Variants in DLGAP1 observed in about 807,000 individuals in gnomAD.
The protein encoded by DLGAP1 is DLG associated protein 1.
A neutral mutation model predicts 90.8 loss-of-function variants in DLGAP1; 11 were observed. That is an observed-to-expected ratio of 0.12 (90% CI 0.08 to 0.20). The LOEUF is 0.20. Ranked by LOEUF, DLGAP1 falls within the 10% of genes least tolerant of loss-of-function variation. DLGAP1 has a pLI of 1.00. For missense variants in DLGAP1, 1,050 were observed against 1,333.8 expected (o/e 0.79, Z 3.31); for synonymous variants, 558 against 540.7 (o/e 1.03, Z -0.44).
At chr18:3,573,995 C>A (rs1447057624) in intron 8 of DLGAP1, among the ~76,000 whole-genome samples, 2 of 152,180 alleles carry the variant, frequency 1.3e-5, no homozygotes, top group African/African-American at 4.8e-5. Flanking sequence ...AGCCACTGAG[C>A]CTGACCTCTT....
chr18:4,114,991 G>A (rs1477361046), intron 2 of DLGAP1, among the ~76,000 whole-genome samples: 1 of 151,558 alleles, frequency 6.6e-6, no homozygotes, highest in African/African-American at 2.4e-5. Context: ...TATTTGTTTT[G>A]TCATTGTTTT....
intron 4 of DLGAP1, among the ~76,000 whole-genome samples, chr18:3,849,175 T>C (rs149641982): frequency 6.6e-6 from 1 of 152,352 alleles, no homozygotes; most frequent in East Asian, 1.9e-4. Flanking sequence ...TAGGGCATGC[T>C]TTGCTGAACA....
At chr18:3,600,665 G>T (rs538624926) in intron 7 of DLGAP1, among the ~76,000 whole-genome samples, 45 of 138,196 alleles carry the variant, frequency 3.3e-4, no homozygotes, top group African/African-American at 9.3e-4. Context: ...GATATCTATA[G>T]AGATCTATAG....
chr18:4,320,601 C>T (rs903924527), intron 1 of DLGAP1, among the ~76,000 whole-genome samples: 1 of 152,084 alleles, frequency 6.6e-6, no homozygotes, highest in Admixed American at 6.6e-5. Flanking sequence ...ATTCACTCTC[C>T]TGTAAACACA....
intron 7 of DLGAP1, among the ~76,000 whole-genome samples, chr18:3,671,579 A>G (rs28449818): frequency 0.25 from 37,770 of 152,108 alleles, 5,133 homozygotes; most frequent in African/African-American, 0.34. Flanking sequence ...CCATGCCACA[A>G]GAGGTTGATT....
At chr18:3,855,741 G>A (rs981653236) in intron 4 of DLGAP1, among the ~76,000 whole-genome samples, 2 of 152,094 alleles carry the variant, frequency 1.3e-5, no homozygotes, top group Non-Finnish European at 2.9e-5. Context: ...AGCCTGCCAA[G>A]TAGCTGGGAC....
intron 9 of DLGAP1, among the ~76,000 whole-genome samples, chr18:3,540,516 G>T (rs1599132319): frequency 7.8e-6 from 1 of 127,446 alleles, no homozygotes; most frequent in South Asian, 2.6e-4. Flanking sequence ...TCCCCCAAAA[G>T]AGGTTTACTT....
chr18:4,373,354 A>G (rs1394839788), intron 1 of DLGAP1, among the ~76,000 whole-genome samples: 1 of 152,214 alleles, frequency 6.6e-6, no homozygotes, highest in Non-Finnish European at 1.5e-5. Context: ...AGAAAGTGGA[A>G]GCTATAAACA....
intron 2 of DLGAP1, among the ~76,000 whole-genome samples, chr18:4,116,315 C>T (rs367952208): frequency 1.3e-4 from 19 of 151,996 alleles, no homozygotes; most frequent in Middle Eastern, 3.2e-3. Flanking sequence ...ATAATGTGTC[C>T]GAGCGTGAAT....
intron 1 of DLGAP1, among the ~76,000 whole-genome samples, chr18:4,404,878 A>G (rs1410670577): frequency 6.6e-6 from 1 of 152,116 alleles, no homozygotes; most frequent in African/African-American, 2.4e-5. Flanking sequence ...AAAAATAATA[A>G]CAACAAAAAA....
intron 1 of DLGAP1, among the ~76,000 whole-genome samples, chr18:4,232,968 C>T (rs576525195): frequency 6.6e-6 from 1 of 152,274 alleles, no homozygotes; most frequent in East Asian, 1.9e-4. Flanking sequence ...TAGGGACCAC[C>T]TTGAAGCTTA....
In DLGAP1 at chr18:3,729,504, T is replaced by A; in HGVS notation, c.1351-129A>T. 2 of 1,284,106 alleles carry A rather than the reference T, an allele frequency of 1.6e-6. No homozygotes were observed. Among genetic ancestry groups the A allele is most frequent in the Non-Finnish European group, 2.1e-6 (2 of 944,006 alleles). The allele number at this position is 1,284,106 out of a possible 1,614,324, so 79.5% of individuals were successfully genotyped here. A position where few individuals can be genotyped will look rare whatever the true frequency, so the allele number is the denominator to read the frequency against. Reference sequence around the variant, plus strand: ...GGTTAGATTAAGCTCAAATGCATTTTATTTCCTTTCTGTTACAGGCTATAA... The same window carrying A: ...GGTTAGATTAAGCTCAAATGCATTTAATTTCCTTTCTGTTACAGGCTATAA... On this transcript the variant is annotated intron_variant, in intron 6 of 12. Transcript: ENST00000315677. This position sits in a 1 kb window ranked among gnomAD's most constrained non-coding sequence, Gnocchi z 6.2.
chr18:4,336,986 C>T (rs1026653798), intron 1 of DLGAP1, among the ~76,000 whole-genome samples: 10 of 149,516 alleles, frequency 6.7e-5, no homozygotes, highest in African/African-American at 1.2e-4. Context: ...TGGTGGCTGG[C>T]GCCTGTAGTT....
intron 3 of DLGAP1, among the ~76,000 whole-genome samples, chr18:3,972,338 TC>T (rs1472256109): frequency 6.6e-6 from 1 of 152,062 alleles, no homozygotes; most frequent in Non-Finnish European, 1.5e-5. Flanking sequence ...ATGGCAAAAT[TC>T]CGTCTCTATT....
At chr18:4,191,576 G>A (rs1014843380) in intron 1 of DLGAP1, among the ~76,000 whole-genome samples, 5 of 152,034 alleles carry the variant, frequency 3.3e-5, no homozygotes, top group Non-Finnish European at 5.9e-5. Context: ...CTCCAGAGTG[G>A]CCATAGTGAT....
intron 1 of DLGAP1, among the ~76,000 whole-genome samples, chr18:4,199,098 G>A (rs2077559084): frequency 6.6e-6 from 1 of 152,226 alleles, no homozygotes; most frequent in Non-Finnish European, 1.5e-5. Context: ...ATAATGAGAG[G>A]AGCATTTGCA....
chr18:4,295,918 G>A (rs2079969946), intron 1 of DLGAP1, among the ~76,000 whole-genome samples: 1 of 152,180 alleles, frequency 6.6e-6, no homozygotes, highest in Non-Finnish European at 1.5e-5. Flanking sequence ...AATGATTAAA[G>A]TAATGAGAGT....
Position 3,616,594 on chromosome 18 carries a change from A to C in DLGAP1, c.1592-34346T>G, listed in dbSNP as rs9952769. Among the ~76,000 whole-genome samples, 1,373 of 148,866 alleles carry C rather than the reference A, an allele frequency of 9.2e-3. 22 individuals carry two copies. The highest frequency in any genetic ancestry group is 0.031 in the African/African-American group (1,184 of 38,776). On this transcript the variant is annotated intron_variant, in intron 7 of 12. Transcript: ENST00000315677. ...GTGAAACCCCATCTCCACAAAACAA[A>C]AAAAAAAAAAATTAGCCTGCTGTGG...
chr18:4,369,286 T>C (rs2081858860), intron 1 of DLGAP1, among the ~76,000 whole-genome samples: 1 of 148,288 alleles, frequency 6.7e-6, no homozygotes, highest in Non-Finnish European at 1.5e-5. Context: ...TATACATGCA[T>C]ATGAGTGTGC....
Sources: allele counts gnomAD v4.1 joint callset (sites outside exome capture counted in the v4.1 genomes callset), GRCh38; gene constraint gnomAD v4.1.1; non-coding constraint Gnocchi (gnomAD v3.1); transcripts MANE v1.5; gene names NCBI Gene and HGNC (gene_info 2026-07-23, HGNC 2026-07-21).